Variants in NCAM2 observed in about 807,000 individuals in gnomAD.
NCAM2 encodes N-CAM-2.
A neutral mutation model predicts 98.1 loss-of-function variants in NCAM2; 30 were observed. That is an observed-to-expected ratio of 0.31 (90% CI 0.23 to 0.41). The LOEUF (loss-of-function observed/expected upper bound fraction) is 0.41. Ranked by LOEUF, NCAM2 falls within the 10% of genes least tolerant of loss-of-function variation. The pLI is 1.00. For missense variants in NCAM2, 867 were observed against 1,005.8 expected (o/e 0.86, Z 1.87); for synonymous variants, 368 against 342.4 (o/e 1.07, Z -0.83).
At chr21:21,399,901 A>G (rs1055349171) in intron 9 of NCAM2, among the ~76,000 whole-genome samples, 1 of 152,230 alleles carries the variant, frequency 6.6e-6, no homozygotes, top group African/African-American at 2.4e-5. Context: ...TTACAAAAGA[A>G]AGTAGAAAGC....
At position 21,511,617 on chromosome 21, in the gene NCAM2, A is replaced by G. The variant is rs73218019; in HGVS notation, c.2282+2562A>G. ...TTTTTGATATATACCAAGCAGAGGA[A>G]TCACTGGATCACATGGTAGTTTCTA... On this transcript the variant is annotated intron_variant, in intron 16 of 17. Coordinates refer to ENST00000400546, the MANE Select transcript of NCAM2 (RefSeq NM_004540.5). 7.0e-3 allele frequency among the ~76,000 whole-genome samples: 1,062 copies of G among 152,068 alleles called. 2 individuals carry two copies. The highest frequency in any genetic ancestry group is 0.012 in the South Asian group (59 of 4,828).
chr21:21,494,392 C>T (rs922648562), intron 15 of NCAM2, among the ~76,000 whole-genome samples: 70 of 151,472 alleles, frequency 4.6e-4, no homozygotes, highest in African/African-American at 1.6e-3. Context: ...TAAAATTGGT[C>T]AGGTGGGGGC....
intron 1 of NCAM2, among the ~76,000 whole-genome samples, chr21:21,125,205 G>A (rs114410691): frequency 9.0e-4 from 137 of 151,482 alleles, no homozygotes; most frequent in African/African-American, 3.1e-3. Flanking sequence ...CCATTTTTGT[G>A]TGAGAACTAT....
At chr21:21,181,728 T>C (rs1313739247) in intron 1 of NCAM2, among the ~76,000 whole-genome samples, 1 of 152,142 alleles carries the variant, frequency 6.6e-6, no homozygotes, top group Non-Finnish European at 1.5e-5. Flanking sequence ...TGTTTTCTTC[T>C]TTGTGACCGT....
At chr21:21,159,870 T>C (rs2067729326) in intron 1 of NCAM2, among the ~76,000 whole-genome samples, 1 of 151,956 alleles carries the variant, frequency 6.6e-6, no homozygotes, top group South Asian at 2.1e-4. Context: ...GTAAAAAAAA[T>C]GAGTATACAT....
chr21:21,159,861 TA>T (rs141404389), intron 1 of NCAM2, among the ~76,000 whole-genome samples: 4,443 of 151,762 alleles, frequency 0.029, 212 homozygotes, highest in African/African-American at 0.1. Flanking sequence ...ATTTATAATG[TA>T]AAAAAAATGA....
At chr21:21,339,113 C>T (rs901501457) in intron 8 of NCAM2, among the ~76,000 whole-genome samples, 2 of 152,060 alleles carry the variant, frequency 1.3e-5, no homozygotes, top group South Asian at 2.1e-4. Flanking sequence ...AACTACAGTC[C>T]ATAGGGCAAA....
At chr21:21,222,461 A>G (rs749456263) in intron 1 of NCAM2, among the ~76,000 whole-genome samples, 51 of 152,288 alleles carry the variant, frequency 3.3e-4, no homozygotes, top group Non-Finnish European at 5.4e-4. Flanking sequence ...CATGGGAAGA[A>G]GTCAAAATGT....
At chr21:21,264,924 T>C (rs2147371154) in intron 1 of NCAM2, among the ~76,000 whole-genome samples, 2 of 112,470 alleles carry the variant, frequency 1.8e-5, no homozygotes, top group African/African-American at 6.0e-5. Flanking sequence ...ATATTAGATA[T>C]ACACATATAT....
intron 1 of NCAM2, among the ~76,000 whole-genome samples, chr21:21,150,177 T>C (rs1158907322): frequency 1.3e-5 from 2 of 152,188 alleles, no homozygotes; most frequent in Non-Finnish European, 2.9e-5. Flanking sequence ...TATTTTTCTT[T>C]GTGGATATAG....
chr21:21,091,786 T>A (rs2066017033), intron 1 of NCAM2, among the ~76,000 whole-genome samples: 1 of 152,206 alleles, frequency 6.6e-6, no homozygotes, highest in Non-Finnish European at 1.5e-5. Context: ...TATCTTAAAA[T>A]ATAGAATGTA....
intron 1 of NCAM2, among the ~76,000 whole-genome samples, chr21:21,045,524 C>T (rs1041534105): frequency 3.9e-5 from 6 of 152,062 alleles, no homozygotes; most frequent in Non-Finnish European, 8.8e-5. Context: ...TGGCCCACAC[C>T]TGTCGTCTCA....
intron 1 of NCAM2, chr21:21,223,425 A>G (rs534649261): frequency 1.3e-4 from 20 of 152,256 alleles, no homozygotes; most frequent in African/African-American, 3.6e-4. Context: ...ATAATAAAGT[A>G]TTTCTTTTCC....
At chr21:21,360,998 C>T (rs1196094610) in intron 8 of NCAM2, among the ~76,000 whole-genome samples, 1 of 152,016 alleles carries the variant, frequency 6.6e-6, no homozygotes. Flanking sequence ...TTCACTTCCT[C>T]TTTTACTAAT....
intron 1 of NCAM2, among the ~76,000 whole-genome samples, chr21:21,257,199 G>C (rs528155552): frequency 4.6e-5 from 7 of 152,304 alleles, no homozygotes; most frequent in African/African-American, 1.4e-4. Context: ...CTCTTTGACA[G>C]TAACATAAAG....
At chr21:21,154,120 G>T (rs1273090876) in intron 1 of NCAM2, among the ~76,000 whole-genome samples, 3 of 151,584 alleles carry the variant, frequency 2.0e-5, no homozygotes, top group Admixed American at 6.6e-5. Flanking sequence ...TTAAATTATG[G>T]GTTTCCACGA....
intron 1 of NCAM2, among the ~76,000 whole-genome samples, chr21:21,182,387 T>G (rs2068506721): frequency 6.6e-6 from 1 of 152,158 alleles, no homozygotes; most frequent in Admixed American, 6.6e-5. Flanking sequence ...AAAAATGTTT[T>G]AATAAATGGT....
chr21:21,057,410 G>A (rs576151114), intron 1 of NCAM2, among the ~76,000 whole-genome samples: 1 of 152,192 alleles, frequency 6.6e-6, no homozygotes, highest in Admixed American at 6.6e-5. Context: ...ACCATGTAAT[G>A]ACACTTCCAT....
chr21:21,116,141 C>T (rs1238901732), intron 1 of NCAM2, among the ~76,000 whole-genome samples: 1 of 151,778 alleles, frequency 6.6e-6, no homozygotes, highest in Admixed American at 6.6e-5. Context: ...TATTTTCTTG[C>T]GTTTATTAGT....
Sources: gnomAD v4.1 joint callset for allele counts (sites outside exome capture counted in the v4.1 genomes callset) on GRCh38, gnomAD v4.1.1 for gene constraint, MANE v1.5 for transcripts, NCBI Gene and HGNC (gene_info 2026-07-23, HGNC 2026-07-21) for gene names.